Variants in PCDHA13 observed in about 807,000 individuals in gnomAD.
PCDHA13 encodes the protein protocadherin alpha-13.
Under a neutral mutation model 64.8 loss-of-function variants are expected in PCDHA13, and 54 were observed. The ratio of observed to expected loss-of-function variants is 0.83; its 90% confidence interval spans 0.67 to 1.04. The LOEUF (loss-of-function observed/expected upper bound fraction) is 1.04, where lower values mean the gene tolerates loss of function less well. Among genes scored for constraint, PCDHA13 ranks in the 50% least tolerant of loss-of-function variants. The pLI is 0.00. For missense variants in PCDHA13, 1,248 were observed against 1,254.3 expected, an observed-to-expected ratio of 0.99 and a Z score of 0.08; for synonymous variants, 587 against 564.4, an observed-to-expected ratio of 1.04 and a Z score of -0.57.
intron 1 of PCDHA13, among the ~76,000 whole-genome samples, chr5:140,898,794 T>G (rs1487494121): frequency 1.3e-5 from 2 of 152,236 alleles, no homozygotes; most frequent in East Asian, 3.8e-4. Flanking sequence ...ATGGCCATTT[T>G]CACGATACTG....
intron 1 of PCDHA13, chr5:140,967,333 C>T (rs113984883): frequency 1.9e-6 from 3 of 1,608,148 alleles, no homozygotes; most frequent in Admixed American, 1.7e-5. Context: ...AGCTCAGCCC[C>T]AGCGAGCACT....
intron 1 of PCDHA13, chr5:140,928,897 G>C: frequency 6.2e-7 from 1 of 1,614,186 alleles, no homozygotes. Flanking sequence ...AGACTTTGAA[G>C]ATGTCTGGGA....
At chr5:140,940,017 T>C (rs1418030283) in intron 1 of PCDHA13, among the ~76,000 whole-genome samples, 1 of 152,234 alleles carries the variant, frequency 6.6e-6, no homozygotes, top group Non-Finnish European at 1.5e-5. Flanking sequence ...TTTTGTGTCA[T>C]ATGTTTTAAG....
chr5:140,923,573 A>C (rs1180737452), intron 1 of PCDHA13, among the ~76,000 whole-genome samples: 2 of 152,214 alleles, frequency 1.3e-5, no homozygotes, highest in African/African-American at 4.8e-5. Flanking sequence ...GGTCCTGCTA[A>C]AGAGAAGGTT....
At chr5:140,894,068 A>G (rs2064306594) in intron 1 of PCDHA13, among the ~76,000 whole-genome samples, 1 of 152,160 alleles carries the variant, frequency 6.6e-6, no homozygotes, top group Non-Finnish European at 1.5e-5. Context: ...TTTTAAATAC[A>G]TTTATTTTAT....
intron 3 of PCDHA13, among the ~76,000 whole-genome samples, chr5:141,007,451 C>A (rs2098330384): frequency 6.6e-6 from 1 of 151,640 alleles, no homozygotes; most frequent in Non-Finnish European, 1.5e-5. Context: ...GCCTGTAGTC[C>A]CAGCTACTCA....
intron 1 of PCDHA13, among the ~76,000 whole-genome samples, chr5:140,958,215 T>G (rs1554223379): frequency 6.6e-6 from 1 of 152,132 alleles, no homozygotes; most frequent in Non-Finnish European, 1.5e-5. Context: ...GAATTAGATT[T>G]TAAAGGACTT....
chr5:140,941,175 C>G (rs1344326389), intron 1 of PCDHA13, among the ~76,000 whole-genome samples: 1 of 145,416 alleles, frequency 6.9e-6, no homozygotes, highest in Admixed American at 6.8e-5. Flanking sequence ...CCATCTTGAA[C>G]ATCCTGCTTC....
At chr5:140,996,173 A>G (rs2097715399) in intron 3 of PCDHA13, among the ~76,000 whole-genome samples, 1 of 152,236 alleles carries the variant, frequency 6.6e-6, no homozygotes, top group Non-Finnish European at 1.5e-5. Flanking sequence ...ATGTGCTGAC[A>G]GCACCTCCAT....
chr5:140,952,081 A>G (rs1554220214), intron 1 of PCDHA13, among the ~76,000 whole-genome samples: 3 of 152,064 alleles, frequency 2.0e-5, no homozygotes. Flanking sequence ...CATTGACTCC[A>G]TGTCTCACAT....
At chr5:141,009,173 G>A (rs1486905042) in intron 3 of PCDHA13, among the ~76,000 whole-genome samples, 3 of 152,204 alleles carry the variant, frequency 2.0e-5, no homozygotes, top group African/African-American at 7.2e-5. Flanking sequence ...TACTGGCCTT[G>A]GCTGGGTGTG....
At chr5:140,888,189 T>C (rs1554183360) in intron 1 of PCDHA13, among the ~76,000 whole-genome samples, 2 of 152,344 alleles carry the variant, frequency 1.3e-5, no homozygotes. Flanking sequence ...TTGTGAATTT[T>C]ACATTGTCGG....
chr5:140,969,074 C>T (rs782163688), intron 1 of PCDHA13: 3 of 1,614,142 alleles, frequency 1.9e-6, no homozygotes, highest in Non-Finnish European at 2.5e-6. Flanking sequence ...CAGGATACCG[C>T]ATGGCCTCAA....
chr5:140,943,491 G>A (rs1387185924), intron 1 of PCDHA13, among the ~76,000 whole-genome samples: 4 of 151,986 alleles, frequency 2.6e-5, no homozygotes, highest in Non-Finnish European at 5.9e-5. Context: ...ATAAATAGAT[G>A]CTATCAAGGT....
rs149972776 is a variant in PCDHA13, at chr5:140,883,738, C to G, written c.1470C>G (p.Val490=). Residue 490 remains valine, a synonymous_variant, in exon 1 of 4, where the codon GTC becomes GTG. Transcript: ENST00000289272. ...QDADAQENAL[V]SYSLVERRVG... The stretch of plus-strand genomic sequence containing the variant: ...CGGACGCACAGGAGAACGCGCTGGT[C>G]TCCTACTCGCTGGTGGAGCGGCGGG... 852 of 1,613,378 alleles carry G rather than the reference C, an allele frequency of 5.3e-4. 5 individuals carry two copies. In the African/African-American group the frequency reaches 9.2e-3, roughly 17 times the overall value.
At chr5:140,975,056 A>G (rs1006106436) in intron 1 of PCDHA13, among the ~76,000 whole-genome samples, 3 of 152,154 alleles carry the variant, frequency 2.0e-5, no homozygotes, top group Non-Finnish European at 4.4e-5. Flanking sequence ...AGAATCTACT[A>G]TCGAGCTCAT....
chr5:140,987,225 A>AT (rs1451600480), intron 3 of PCDHA13, among the ~76,000 whole-genome samples: 11 of 143,044 alleles, frequency 7.7e-5, no homozygotes, highest in Non-Finnish European at 1.0e-4. Context: ...AAAAAAAAAA[A>AT]AATAATAAAT....
At chr5:140,986,246 C>G (rs561365390) in intron 3 of PCDHA13, among the ~76,000 whole-genome samples, 1 of 152,296 alleles carries the variant, frequency 6.6e-6, no homozygotes, top group South Asian at 2.1e-4. Flanking sequence ...TGAGCAGACC[C>G]GGACCACAGG....
chr5:140,966,409 G>C (rs1234170283), intron 1 of PCDHA13: 1 of 419,144 alleles, frequency 2.4e-6, no homozygotes, highest in African/African-American at 2.1e-5. Context: ...CGCGGAATCA[G>C]AGCAGGACTT....
Sources: allele counts gnomAD v4.1 joint callset (sites outside exome capture counted in the v4.1 genomes callset), GRCh38; gene constraint gnomAD v4.1.1; transcripts MANE v1.5; gene names NCBI Gene and HGNC (gene_info 2026-07-23, HGNC 2026-07-21).